FBXO30: variants seen among roughly 807,000 people sequenced by gnomAD.
FBXO30 encodes the protein F-box only protein 30.
In FBXO30, 21 loss-of-function variants were observed where a neutral mutation model predicts 58.1. The ratio of observed to expected loss-of-function variants is 0.36; its 90% confidence interval spans 0.26 to 0.52. FBXO30 has a LOEUF of 0.52. FBXO30 is among the 20% of genes least tolerant of loss of function. The probability of loss-of-function intolerance (pLI) is 0.93; values close to 1 mark genes in which losing one functional copy is unlikely to be tolerated. For synonymous variants in FBXO30, 309 were observed against 312.4 expected (o/e 0.99, Z 0.11); for missense variants, 744 against 897.3 (o/e 0.83, Z 2.18).
chr6:145,794,182 T>C lies in FBXO30; in HGVS notation c.*5924A>G, dbSNP rs912512521. The stretch of plus-strand genomic sequence containing the variant: ...TCTCTATGAATTTACCTATTCTGCA[T>C]ATTTCATATAAATGAAATCATATAA... On this transcript the variant is annotated 3_prime_UTR_variant, in exon 3 of 3. Transcript: ENST00000237281. The C allele has an allele frequency of 6.6e-5, 10 of 152,044 alleles. No individual in the cohort carries two copies. Among genetic ancestry groups the C allele is most frequent in the Non-Finnish European group, 1.3e-4 (9 of 67,892 alleles). 9.4% of individuals were successfully genotyped at this position (152,044 alleles called of 1,614,324 possible).
chr6:145,796,099 C>T lies in FBXO30; in HGVS notation c.*4007G>A, dbSNP rs1777862224. 6.6e-6 allele frequency: 1 copy of T among 151,942 alleles called. No individual in the cohort carries two copies. Among genetic ancestry groups the T allele is most frequent in the Admixed American group, 6.6e-5 (1 of 15,228 alleles). The allele number at this position is 151,942 out of a possible 1,614,324, so 9.4% of individuals were successfully genotyped here. On this transcript the variant is annotated 3_prime_UTR_variant, in exon 3 of 3. Coordinates refer to ENST00000237281, the MANE Select transcript of FBXO30 (RefSeq NM_032145.5). ...GATCTATGTAAGGACATAATTCTCT[C>T]TCAAATATCCCAGTACACTAATCAC...
At chr6:145,808,697 T>C (rs1562246979) in intron 1 of FBXO30, among the ~76,000 whole-genome samples, 1 of 152,192 alleles carries the variant, frequency 6.6e-6, no homozygotes, top group Non-Finnish European at 1.5e-5. Flanking sequence ...TTTCTACTTG[T>C]ATATGGCACA....
chr6:145,794,691 G>C lies in FBXO30; in HGVS notation c.*5415C>G, dbSNP rs944871347. 2.6e-5 allele frequency: 4 copies of C among 151,660 alleles called. No individual in the cohort carries two copies. Among genetic ancestry groups the C allele is most frequent in the African/African-American group, 9.7e-5 (4 of 41,352 alleles). 9.4% of individuals were successfully genotyped at this position (151,660 alleles called of 1,614,324 possible). A position where few individuals can be genotyped will look rare whatever the true frequency, so the allele number is the denominator to read the frequency against. On this transcript the variant is annotated 3_prime_UTR_variant, in exon 3 of 3. Transcript: ENST00000237281. ...AGACACAGTGCCCATTATTTCCATGGTTTGATTTATTTCAATCAAATAACA... is the reference window on the plus strand; with the variant it reads ...AGACACAGTGCCCATTATTTCCATGCTTTGATTTATTTCAATCAAATAACA...
In FBXO30 at chr6:145,794,353, A is replaced by G. The variant is rs1328096056; in HGVS notation, c.*5753T>C. On this transcript the variant is annotated 3_prime_UTR_variant, in exon 3 of 3. Coordinates refer to ENST00000237281, the MANE Select transcript of FBXO30 (RefSeq NM_032145.5). ...ACATCTTAGGTAAGCCAATCGGCGC[A>G]ATGACCTTTCAGAATGCAGTTAAAG... 1 of 151,980 alleles carries G rather than the reference A, an allele frequency of 6.6e-6. No individual in the cohort carries two copies. The highest frequency in any genetic ancestry group is 6.6e-5 in the Admixed American group (1 of 15,250). 9.4% of individuals were successfully genotyped at this position (151,980 alleles called of 1,614,324 possible).
chr6:145,814,384 C>T (rs1778434833), intron 1 of FBXO30, among the ~76,000 whole-genome samples: 1 of 152,104 alleles, frequency 6.6e-6, no homozygotes, highest in Admixed American at 6.5e-5. Flanking sequence ...GACACGAGCG[C>T]GGCGGACGCC....
At position 145,800,284 on chromosome 6, in the gene FBXO30, C is replaced by T. The variant is rs747858191; in HGVS notation, c.2060G>A (p.Cys687Tyr). The T allele has an allele frequency of 8.7e-6, 14 of 1,612,504 alleles. No individual in the cohort carries two copies. Among genetic ancestry groups the T allele is most frequent in the South Asian group, 1.1e-5 (1 of 91,050 alleles). ...AGCAAATTTCCATTCATTAACAGAA[C>T]AAAATGCAGTACTAAATCGCCATAC... ...EKVWRFSTAF[C>Y]SVNEWKFADI... is the part of the protein sequence containing the mutation. Residue 687 changes from cysteine (C) to tyrosine (Y), a missense_variant, in exon 3 of 3, where the codon TGT becomes TAT. By Grantham distance (194) the Cys-to-Tyr change is radical. Around this residue, in one of 3 missense-constraint regions of FBXO30, gnomAD observed 334 missense variants for 433.7 expected, o/e 0.77. Coordinates refer to ENST00000237281, the MANE Select transcript of FBXO30 (RefSeq NM_032145.5).
rs1003456354 is a variant in FBXO30, at chr6:145,796,576, A to G, written c.*3530T>C. ...TTTCTCTCTACTGCACTTCTAAACAACCAACTCTGCAAGCTCCAATCACAT... is the reference window on the plus strand; with the variant it reads ...TTTCTCTCTACTGCACTTCTAAACAGCCAACTCTGCAAGCTCCAATCACAT... On this transcript the variant is annotated 3_prime_UTR_variant, in exon 3 of 3. Transcript: ENST00000237281. 6.6e-6 allele frequency: 1 copy of G among 152,078 alleles called. No homozygotes were observed. The highest frequency in any genetic ancestry group is 1.5e-5 in the Non-Finnish European group (1 of 67,936). 9.4% of individuals were successfully genotyped at this position (152,078 alleles called of 1,614,324 possible).
chr6:145,805,856 G>C lies in FBXO30; in HGVS notation c.550C>G (p.Gln184Glu), dbSNP rs1399910015. 1.2e-5 allele frequency: 19 copies of C among 1,613,916 alleles called. No individual in the cohort carries two copies. The highest frequency in any genetic ancestry group is 1.5e-5 in the Non-Finnish European group (18 of 1,179,992). Residue 184 changes from glutamine (Q) to glutamate (E), a missense_variant, in exon 2 of 3, where the codon CAA becomes GAA. Physicochemically the swap from Gln to Glu is conservative, Grantham distance 29. Coordinates refer to ENST00000237281, the MANE Select transcript of FBXO30 (RefSeq NM_032145.5). ...CTTCTGGTTGTTTCTACAGTAGCTTGATAAAGTGCACCATAAGATTCTTCA... is the reference window on the plus strand; with the variant it reads ...CTTCTGGTTGTTTCTACAGTAGCTTCATAAAGTGCACCATAAGATTCTTCA... ...VDEESYGALY[Q>E]ATVETTRSLA...
intron 2 of FBXO30, among the ~76,000 whole-genome samples, chr6:145,800,657 T>A (rs1001162482): frequency 2.6e-5 from 4 of 152,066 alleles, no homozygotes; most frequent in Admixed American, 2.6e-4. Context: ...TACACACTAT[T>A]CTTTCATACT....
chr6:145,799,992 C>T lies in FBXO30; in HGVS notation c.*114G>A, dbSNP rs1368349600. The T allele has an allele frequency of 5.2e-6, 4 of 769,338 alleles. No individual in the cohort carries two copies. The highest frequency in any genetic ancestry group is 8.3e-6 in the Non-Finnish European group (4 of 482,280). 47.7% of individuals were successfully genotyped at this position (769,338 alleles called of 1,614,324 possible). The stretch of plus-strand genomic sequence containing the variant: ...AGATGTCACTTCAAAACATTATATA[C>T]ACAGTGACAATAAATTTAGCTAGTT... On this transcript the variant is annotated 3_prime_UTR_variant, in exon 3 of 3. Transcript: ENST00000237281.
chr6:145,797,635 G>A lies in FBXO30; in HGVS notation c.*2471C>T, dbSNP rs1197829356. The A allele has an allele frequency of 6.6e-6, 1 of 152,036 alleles. No individual in the cohort carries two copies. The highest frequency in any genetic ancestry group is 1.5e-5 in the Non-Finnish European group (1 of 67,954). The allele number at this position is 152,036 out of a possible 1,614,324, so 9.4% of individuals were successfully genotyped here. A position where few individuals can be genotyped will look rare whatever the true frequency, so the allele number is the denominator to read the frequency against. On this transcript the variant is annotated 3_prime_UTR_variant, in exon 3 of 3. Coordinates refer to ENST00000237281, the MANE Select transcript of FBXO30 (RefSeq NM_032145.5). ...CAAGGACCACACTTTAGGAACCACT[G>A]CTGTAAGATCTGTGAGTCTCAAAAT...
At position 145,808,512 on chromosome 6, in the gene FBXO30, C is replaced by A. The variant is rs966618725; in HGVS notation, c.-16-2091G>T. 2.0e-5 allele frequency among the ~76,000 whole-genome samples: 3 copies of A among 152,090 alleles called. No individual in the cohort carries two copies. In the East Asian group the frequency reaches 5.8e-4, roughly 29 times the overall value. On this transcript the variant is annotated intron_variant, in intron 1 of 2. Coordinates refer to ENST00000237281, the MANE Select transcript of FBXO30 (RefSeq NM_032145.5). ...CTCAATAATAATTATTTAAATATTG[C>A]ATTTCTTCAGGGCTTGTGTCATTTT...
In FBXO30 at chr6:145,804,372, C is replaced by G; in HGVS notation, c.2034G>C (p.Lys678Asn). 1 of 1,608,846 alleles carries G rather than the reference C, an allele frequency of 6.2e-7. No homozygotes were observed. The highest frequency in any genetic ancestry group is 8.5e-7 in the Non-Finnish European group (1 of 1,177,546). The stretch of plus-strand genomic sequence containing the variant: ...AAGAGGTTGTAAAGATTACACTAAC[C>G]TTTTCTTTTATCTGCCATGATGAAT... ...EGNSSWQIKE[K>N]VWRFSTAFCS... Residue 678 changes from lysine (K) to asparagine (N), a missense_variant and splice_region_variant, in exon 2 of 3, where the codon AAG (lysine) becomes AAC (asparagine). By Grantham distance (94) the Lys-to-Asn change is moderately conservative. Around this residue, in one of 3 missense-constraint regions of FBXO30, gnomAD observed 334 missense variants for 433.7 expected, o/e 0.77. Transcript: ENST00000237281.
Position 145,805,226 on chromosome 6 carries a change from TAGAA to T in FBXO30, c.1176_1179del (p.Ser393IlefsTer13). On this transcript the variant is annotated frameshift_variant, in exon 2 of 3. Coordinates refer to ENST00000237281, the MANE Select transcript of FBXO30 (RefSeq NM_032145.5). LOFTEE classifies it high-confidence loss of function. ...TCCTTTGGTTTAGACCAACATGAAT[TAGAA>T]AGAAAATTGAATGAAGGAGCATGAC... The T allele has an allele frequency of 1.2e-6, 2 of 1,614,042 alleles. No homozygotes were observed. Among genetic ancestry groups the T allele is most frequent in the Non-Finnish European group, 1.7e-6 (2 of 1,179,942 alleles).
At chr6:145,814,327 C>T (rs902497870) in intron 1 of FBXO30, among the ~76,000 whole-genome samples, 4 of 152,208 alleles carry the variant, frequency 2.6e-5, no homozygotes, top group Admixed American at 1.3e-4. Context: ...AGGCTTAAGT[C>T]GCCATTTGCT....
chr6:145,804,758 A>C lies in FBXO30; in HGVS notation c.1648T>G (p.Trp550Gly). ...HGDIHAGLNG[W>G]MEQRCPLAYY... ...GCTAAAGGGCACCTCTGTTCCATCC[A>C]GCCATTGAGTCCAGCATGAATGTCA... Residue 550 changes from tryptophan (W) to glycine (G), a missense_variant, in exon 2 of 3, where the codon TGG (tryptophan) becomes GGG (glycine). Transcript: ENST00000237281. The C allele has an allele frequency of 1.2e-6, 2 of 1,614,026 alleles. No homozygotes were observed. Among genetic ancestry groups the C allele is most frequent in the Non-Finnish European group, 1.7e-6 (2 of 1,179,920 alleles).
intron 1 of FBXO30, among the ~76,000 whole-genome samples, chr6:145,809,183 T>C (rs564473933): frequency 7.7e-4 from 118 of 152,326 alleles, no homozygotes; most frequent in African/African-American, 2.5e-3. Context: ...AATAGTCATA[T>C]AGAAATAAAA....
At chr6:145,810,125 G>C (rs1778293674) in intron 1 of FBXO30, among the ~76,000 whole-genome samples, 1 of 152,100 alleles carries the variant, frequency 6.6e-6, no homozygotes, top group Non-Finnish European at 1.5e-5. Context: ...AATTTACATA[G>C]ATAATGCTCA....
rs2128664464 is a variant in FBXO30 at position 145,799,783 on chromosome 6, G to A, written c.*323C>T. 6.0e-6 allele frequency: 1 copy of A among 165,494 alleles called. No homozygotes were observed. The highest frequency in any genetic ancestry group is 3.0e-3 in the Middle Eastern group (1 of 334). The allele number at this position is 165,494 out of a possible 1,614,324, so 10.3% of individuals were successfully genotyped here. On this transcript the variant is annotated 3_prime_UTR_variant, in exon 3 of 3. Transcript: ENST00000237281. ...ACCCACAGAAAACAACAAATAAATT[G>A]GTCAGGATTTTTTTAGTTTAAGAAG...
Sources: gnomAD v4.1 joint callset for allele counts (sites outside exome capture counted in the v4.1 genomes callset) on GRCh38, gnomAD v4.1.1 for gene constraint, gnomAD v4.1.1 regional missense constraint, MANE v1.5 for transcripts, NCBI Gene and HGNC (gene_info 2026-07-23, HGNC 2026-07-21) for gene names.